MIPOL1: variants seen among roughly 807,000 people sequenced by gnomAD.
The protein encoded by MIPOL1 is mirror-image polydactyly 1.
MIPOL1 carries 57 observed loss-of-function variants against 60.9 expected under a neutral mutation model. That is an observed-to-expected ratio of 0.94 (90% confidence interval 0.76 to 1.17). The LOEUF is 1.17. MIPOL1 is among the 50% of genes most tolerant of loss of function. MIPOL1 has a pLI of 0.00. For synonymous variants in MIPOL1, 179 were observed against 168.8 expected (o/e 1.06, Z -0.47); for missense variants, 551 against 511.6 (o/e 1.08, Z -0.74).
At chr14:37,344,897 G>T (rs1353535344) in intron 9 of MIPOL1, among the ~76,000 whole-genome samples, 1 of 151,672 alleles carries the variant, frequency 6.6e-6, no homozygotes, top group Non-Finnish European at 1.5e-5. Flanking sequence ...GGGCATGGCG[G>T]TGTGCTCCTG....
chr14:37,234,987 T>G lies in MIPOL1; in HGVS notation c.-198-12116T>G, dbSNP rs182472579. The stretch of plus-strand genomic sequence containing the variant: ...TTTGTATTTTTCATAGAGACAGGGT[T>G]TCACCGTGTTAGCCAGGATGGTCTT... On this transcript the variant is annotated intron_variant, in intron 1 of 12. Coordinates refer to ENST00000684589, the MANE Select transcript of MIPOL1 (RefSeq NM_001388067.1). 2.4e-3 allele frequency among the ~76,000 whole-genome samples: 361 copies of G among 149,356 alleles called. 1 individual carries two copies. Among genetic ancestry groups the G allele is most frequent in the Non-Finnish European group, 2.8e-3 (186 of 67,458 alleles).
intron 1 of MIPOL1, among the ~76,000 whole-genome samples, chr14:37,237,246 C>T (rs566439533): frequency 6.6e-6 from 1 of 152,088 alleles, no homozygotes; most frequent in Non-Finnish European, 1.5e-5. Context: ...TAAATATCCC[C>T]TAGACAGGTC....
At chr14:37,461,223 T>G (rs1161780917) in intron 11 of MIPOL1, among the ~76,000 whole-genome samples, 3 of 152,150 alleles carry the variant, frequency 2.0e-5, no homozygotes, top group Non-Finnish European at 4.4e-5. Context: ...GTTTTTGGAC[T>G]TACAGTTCCA....
At chr14:37,424,646 G>T (rs115283088) in intron 11 of MIPOL1, among the ~76,000 whole-genome samples, 3 of 152,190 alleles carry the variant, frequency 2.0e-5, no homozygotes, top group Non-Finnish European at 2.9e-5. Context: ...GTTATCAAAC[G>T]TCAAGTATGT....
intron 10 of MIPOL1, among the ~76,000 whole-genome samples, chr14:37,415,527 G>A (rs1226176207): frequency 2.0e-5 from 3 of 151,474 alleles, no homozygotes; most frequent in Non-Finnish European, 4.4e-5. Flanking sequence ...TACTCGGGAG[G>A]CTGAGGCCGG....
chr14:37,453,597 A>G (rs2094446123), intron 11 of MIPOL1, among the ~76,000 whole-genome samples: 2 of 152,224 alleles, frequency 1.3e-5, no homozygotes, highest in Admixed American at 6.5e-5. Context: ...AATGGTAACT[A>G]CCTTTCAAAA....
chr14:37,399,789 A>G (rs1291939747), intron 10 of MIPOL1: 1 of 152,178 alleles, frequency 6.6e-6, no homozygotes, highest in African/African-American at 2.4e-5. Flanking sequence ...CAGATAATCT[A>G]TGCCATGTCC....
intron 1 of MIPOL1, among the ~76,000 whole-genome samples, chr14:37,199,562 C>A (rs978818748): frequency 3.3e-5 from 5 of 151,680 alleles, no homozygotes; most frequent in Non-Finnish European, 7.4e-5. Context: ...TCTCGCTCTG[C>A]CGCCAAGGCT....
intron 11 of MIPOL1, among the ~76,000 whole-genome samples, chr14:37,474,469 T>C (rs2094737683): frequency 6.6e-6 from 1 of 152,182 alleles, no homozygotes; most frequent in Non-Finnish European, 1.5e-5. Context: ...TGAGATCTAA[T>C]GGTTTTATAA....
At chr14:37,481,550 GA>G (rs1427923627) in intron 11 of MIPOL1, among the ~76,000 whole-genome samples, 1 of 115,966 alleles carries the variant, frequency 8.6e-6, no homozygotes, top group East Asian at 2.7e-4. Flanking sequence ...AACTCATATG[GA>G]CCCCCCCCAA....
chr14:37,473,715 T>C (rs928327197), intron 11 of MIPOL1, among the ~76,000 whole-genome samples: 5 of 152,218 alleles, frequency 3.3e-5, no homozygotes, highest in African/African-American at 1.2e-4. Context: ...TTAAAACTAC[T>C]GAAAACATAC....
intron 9 of MIPOL1, among the ~76,000 whole-genome samples, chr14:37,314,704 G>A (rs528215125): frequency 3.2e-4 from 48 of 152,220 alleles, no homozygotes; most frequent in African/African-American, 1.1e-3. Context: ...CTGTATTACA[G>A]TTAATTGATT....
intron 11 of MIPOL1, among the ~76,000 whole-genome samples, chr14:37,490,320 C>T (rs978700286): frequency 2.0e-5 from 3 of 152,122 alleles, no homozygotes; most frequent in African/African-American, 7.2e-5. Context: ...CTGGTGCATC[C>T]GAGGTCGACC....
intron 11 of MIPOL1, among the ~76,000 whole-genome samples, chr14:37,480,797 C>T (rs1227572222): frequency 6.6e-6 from 1 of 151,936 alleles, no homozygotes; most frequent in South Asian, 2.1e-4. Flanking sequence ...GGATCATAAA[C>T]CCTGAAGACT....
intron 7 of MIPOL1, among the ~76,000 whole-genome samples, chr14:37,307,623 C>G (rs188921415): frequency 6.6e-6 from 1 of 151,932 alleles, no homozygotes; most frequent in Admixed American, 6.6e-5. Context: ...TTTGTCATTG[C>G]TTTTAAGGGA....
At chr14:37,443,842 G>A (rs2094291144) in intron 11 of MIPOL1, among the ~76,000 whole-genome samples, 2 of 151,822 alleles carry the variant, frequency 1.3e-5, no homozygotes, top group Admixed American at 1.3e-4. Flanking sequence ...GCAATGCAAG[G>A]TTGGTTTAAC....
At chr14:37,413,367 C>T (rs2093710104) in intron 10 of MIPOL1, among the ~76,000 whole-genome samples, 2 of 152,174 alleles carry the variant, frequency 1.3e-5, no homozygotes. Flanking sequence ...AGTTTTCCAG[C>T]TTCTAGAAGC....
At chr14:37,457,946 T>G (rs1328713074) in intron 11 of MIPOL1, among the ~76,000 whole-genome samples, 1 of 151,962 alleles carries the variant, frequency 6.6e-6, no homozygotes, top group Admixed American at 6.6e-5. Context: ...AACCCCATGT[T>G]TTTCATGGGT....
intron 12 of MIPOL1, among the ~76,000 whole-genome samples, chr14:37,513,540 G>A (rs1369186962): frequency 6.6e-6 from 1 of 152,138 alleles, no homozygotes; most frequent in Non-Finnish European, 1.5e-5. Context: ...AAGGATTAAT[G>A]TAGGATTGTT....
Sources: gnomAD v4.1 joint callset for allele counts (sites outside exome capture counted in the v4.1 genomes callset) on GRCh38, gnomAD v4.1.1 for gene constraint, MANE v1.5 for transcripts, NCBI Gene and HGNC (gene_info 2026-07-23, HGNC 2026-07-21) for gene names.